Variants in PLXNA4 observed in about 807,000 individuals in gnomAD.
PLXNA4 encodes plexin-A4.
In PLXNA4, 44 loss-of-function variants were observed where a neutral mutation model predicts 191.8. The observed-to-expected ratio is 0.23, with a 90% confidence interval of 0.18 to 0.29. PLXNA4 has a LOEUF of 0.29. Among genes scored for constraint, PLXNA4 ranks in the 10% least tolerant of loss-of-function variants. The pLI is 1.00. For synonymous variants in PLXNA4, 1,082 were observed against 1,009.5 expected, an observed-to-expected ratio of 1.07 and a Z score of -1.36; for missense variants, 1,800 against 2,488.8, an observed-to-expected ratio of 0.72 and a Z score of 5.89.
At chr7:132,633,791 T>C (rs550089133) in intron 2 of PLXNA4, among the ~76,000 whole-genome samples, 1 of 152,170 alleles carries the variant, frequency 6.6e-6, no homozygotes, top group Non-Finnish European at 1.5e-5. Context: ...CATGTCCCCA[T>C]AGCCTGTCCG....
chr7:132,124,972 A>G lies in PLXNA4; in HGVS notation c.*5507T>C, dbSNP rs778840738. 1.9e-4 allele frequency: 29 copies of G among 150,954 alleles called. No individual in the cohort carries two copies. The highest frequency in any genetic ancestry group is 2.9e-4 in the Non-Finnish European group (20 of 67,910). The allele number at this position is 150,954 out of a possible 1,614,324, so 9.4% of individuals were successfully genotyped here. ...TTCTCTTACAACCAAAAAATTCTAT[A>G]TACTTTTAAAACTTGGATACTCCCT... On this transcript the variant is annotated 3_prime_UTR_variant, in exon 32 of 32. Transcript: ENST00000321063.
intron 4 of PLXNA4, among the ~76,000 whole-genome samples, chr7:132,285,708 C>T (rs1380568838): frequency 6.6e-6 from 1 of 152,164 alleles, no homozygotes; most frequent in Non-Finnish European, 1.5e-5. Context: ...TGAAAACGTC[C>T]CATTGATATT....
intron 5 of PLXNA4, among the ~76,000 whole-genome samples, chr7:132,229,217 G>T (rs1038586958): frequency 6.6e-6 from 1 of 152,208 alleles, no homozygotes; most frequent in African/African-American, 2.4e-5. Context: ...GCTTGCTCTG[G>T]ATCAGAATCC....
intron 30 of PLXNA4, among the ~76,000 whole-genome samples, chr7:132,133,703 A>T (rs552420152): frequency 6.6e-6 from 1 of 152,192 alleles, no homozygotes; most frequent in African/African-American, 2.4e-5. Flanking sequence ...GCAATCAGTC[A>T]CTGTCACTTG....
At chr7:132,425,600 G>T (rs985155459) in intron 3 of PLXNA4, among the ~76,000 whole-genome samples, 22 of 152,068 alleles carry the variant, frequency 1.4e-4, no homozygotes, top group African/African-American at 5.3e-4. Context: ...CTTAGAAGAG[G>T]CAGACAGGAA....
intron 24 of PLXNA4, among the ~76,000 whole-genome samples, chr7:132,160,552 G>C (rs1408660251): frequency 6.6e-6 from 1 of 152,196 alleles, no homozygotes; most frequent in Non-Finnish European, 1.5e-5. Context: ...GAGGGGAACG[G>C]GGTGGGTGCT....
At chr7:132,489,676 G>A (rs928947957) in intron 2 of PLXNA4, among the ~76,000 whole-genome samples, 2 of 152,162 alleles carry the variant, frequency 1.3e-5, no homozygotes, top group Non-Finnish European at 2.9e-5. Context: ...GCAGGGACAT[G>A]GCAGAAAACA....
chr7:132,365,350 T>TGCGC (rs1459547865), intron 3 of PLXNA4, among the ~76,000 whole-genome samples: 4 of 101,906 alleles, frequency 3.9e-5, no homozygotes, highest in African/African-American at 2.5e-4. Context: ...TGTGTGTGTG[T>TGCGC]GTGTGTGTGT....
intron 3 of PLXNA4, among the ~76,000 whole-genome samples, chr7:132,392,038 G>A (rs977852780): frequency 6.6e-6 from 1 of 151,974 alleles, no homozygotes; most frequent in African/African-American, 2.4e-5. Flanking sequence ...TGAGGCAGGA[G>A]AATCACTCGA....
intron 4 of PLXNA4, among the ~76,000 whole-genome samples, chr7:132,253,991 T>A (rs916388543): frequency 6.6e-6 from 1 of 152,214 alleles, no homozygotes; most frequent in Non-Finnish European, 1.5e-5. Context: ...GCTGTAATCC[T>A]AGACCCGTTC....
At chr7:132,184,784 C>G (rs548852108) in intron 16 of PLXNA4, among the ~76,000 whole-genome samples, 74 of 152,258 alleles carry the variant, frequency 4.9e-4, no homozygotes, top group African/African-American at 1.7e-3. Context: ...GAGGAGTTTA[C>G]AGCAGAGGGG....
At chr7:132,385,721 C>T (rs1279956429) in intron 3 of PLXNA4, among the ~76,000 whole-genome samples, 1 of 152,220 alleles carries the variant, frequency 6.6e-6, no homozygotes, top group Non-Finnish European at 1.5e-5. Flanking sequence ...TGCGCGCACA[C>T]ACACGCGTGC....
chr7:132,617,987 C>T (rs891177050), intron 2 of PLXNA4, among the ~76,000 whole-genome samples: 6 of 152,276 alleles, frequency 3.9e-5, no homozygotes, highest in Admixed American at 2.0e-4. Flanking sequence ...GTTACCACCT[C>T]CAGGCCCACT....
At chr7:132,169,711 C>CG (rs1796227704) in intron 21 of PLXNA4, among the ~76,000 whole-genome samples, 1 of 151,962 alleles carries the variant, frequency 6.6e-6, no homozygotes, top group African/African-American at 2.4e-5. Flanking sequence ...GGGGGCACCC[C>CG]GGGACTCCTG....
At chr7:132,356,755 T>G (rs1484266621) in intron 3 of PLXNA4, among the ~76,000 whole-genome samples, 2 of 152,234 alleles carry the variant, frequency 1.3e-5, no homozygotes, top group Non-Finnish European at 2.9e-5. Flanking sequence ...CAAAAGGGAT[T>G]GTTAAAGGTC....
intron 3 of PLXNA4, among the ~76,000 whole-genome samples, chr7:132,442,432 A>G (rs923712258): frequency 6.6e-6 from 1 of 152,180 alleles, no homozygotes; most frequent in African/African-American, 2.4e-5. Flanking sequence ...AGAAGTTTTA[A>G]CAGATGTCCT....
At chr7:132,615,934 T>TCTCTCTCTCTCTCTCTCA (rs1803146150) in intron 2 of PLXNA4, among the ~76,000 whole-genome samples, 5 of 141,494 alleles carry the variant, frequency 3.5e-5, no homozygotes, top group Non-Finnish European at 7.5e-5. Flanking sequence ...AGGATCTCTC[T>TCTCTCTCTCTCTCTCTCA]CTCTCTCTCT....
At position 132,521,701 on chromosome 7, in the gene PLXNA4, C is replaced by T. The variant is rs559689258; in HGVS notation, c.-86-12922G>A. On this transcript the variant is annotated intron_variant, in intron 1 of 31. Coordinates refer to ENST00000321063, the MANE Select transcript of PLXNA4 (RefSeq NM_020911.2). ...CAGGAAGTCTCATCCCCTTCCTCCC[C>T]AACTTCACAAAACCGGGCACAGAAG... Among the ~76,000 whole-genome samples, 16 of 152,256 alleles carry T rather than the reference C, an allele frequency of 1.1e-4. No individual in the cohort carries two copies. In the South Asian group the frequency reaches 1.9e-3, roughly 18 times the overall value.
At chr7:132,167,542 A>AT (rs1271081840) in intron 22 of PLXNA4, among the ~76,000 whole-genome samples, 3 of 151,038 alleles carry the variant, frequency 2.0e-5, no homozygotes, top group East Asian at 3.9e-4. Context: ...TTATTTTTTA[A>AT]TTTTTTTTTA....
Sources: gnomAD v4.1 joint callset for allele counts (sites outside exome capture counted in the v4.1 genomes callset) on GRCh38, gnomAD v4.1.1 for gene constraint, MANE v1.5 for transcripts, NCBI Gene and HGNC (gene_info 2026-07-23, HGNC 2026-07-21) for gene names.